The following PNPLA7 variants were observed in gnomAD, a reference collection of about 807,000 sequenced individuals.
The protein encoded by PNPLA7 is patatin like domain 7, lysophospholipase.
Under a neutral mutation model 161.7 loss-of-function variants are expected in PNPLA7, and 153 were observed. The ratio of observed to expected loss-of-function variants is 0.95; its 90% CI spans 0.83 to 1.08. The LOEUF (loss-of-function observed/expected upper bound fraction) is 1.08. PNPLA7 is among the 50% of genes least tolerant of loss of function. PNPLA7 has a pLI of 0.00. For synonymous variants in PNPLA7, 809 were observed against 782.1 expected, an observed-to-expected ratio of 1.03 and a Z score of -0.57; for missense variants, 1,739 against 1,856.6, an observed-to-expected ratio of 0.94 and a Z score of 1.16.
chr9:137,462,102 C>A, intron 31 of PNPLA7, 61 bp from the exon 32 acceptor site: 1 of 1,518,832 alleles, frequency 6.6e-7, no homozygotes. Context: ...CCTGTGTTCT[C>A]AAAAGGGGGA....
chr9:137,460,566 G>A, intron 34 of PNPLA7, 68 bp downstream of exon 34: 1 of 1,593,090 alleles, frequency 6.3e-7, no homozygotes, highest in Non-Finnish European at 8.6e-7. Context: ...GGGAGGGAGT[G>A]GCCGGCACAG....
At chr9:137,481,717 C>G (rs1359449406) in intron 21 of PNPLA7, among the ~76,000 whole-genome samples, 1 of 152,192 alleles carries the variant, frequency 6.6e-6, no homozygotes, top group Non-Finnish European at 1.5e-5. Context: ...AATCCCAGCA[C>G]TTTGGGAGGC....
chr9:137,461,470 T>C, intron 33 of PNPLA7, 66 bp downstream of exon 33: 1 of 1,485,468 alleles, frequency 6.7e-7, no homozygotes, highest in East Asian at 2.4e-5. Flanking sequence ...GTGGGGGGGT[T>C]CAAGCCCAAC....
In PNPLA7 at chr9:137,499,786, C is replaced by T. The variant is rs986362518; in HGVS notation, c.1757+905G>A. 6.6e-6 allele frequency among the ~76,000 whole-genome samples: 1 copy of T among 152,242 alleles called. No homozygotes were observed. Among genetic ancestry groups the T allele is most frequent in the African/African-American group, 2.4e-5 (1 of 41,468 alleles). ...TGGATTACAGGCGTGAGCCGCTGCA[C>T]CCAGCCGACCTGTTTTCTTCAGCTG... On this transcript the variant is annotated intron_variant, in intron 16 of 34. Transcript: ENST00000406427. The surrounding 1 kb of genome is among the most constrained non-coding windows in gnomAD (Gnocchi z 5.5).
At chr9:137,501,154 C>G (rs551878875) in intron 15 of PNPLA7, among the ~76,000 whole-genome samples, 1 of 152,226 alleles carries the variant, frequency 6.6e-6, no homozygotes, top group Non-Finnish European at 1.5e-5. Context: ...CCTTCCCTCC[C>G]GGCACCCGCA....
intron 14 of PNPLA7, 54 bp from the exon 15 acceptor site, chr9:137,501,781 C>T (rs1833438462): frequency 6.4e-7 from 1 of 1,557,668 alleles, no homozygotes; most frequent in Non-Finnish European, 8.8e-7. Context: ...AATGAAGGTC[C>T]AGAGAACAGA....
chr9:137,511,720 G>A (rs1045074466), intron 12 of PNPLA7, among the ~76,000 whole-genome samples: 2 of 152,230 alleles, frequency 1.3e-5, no homozygotes, highest in African/African-American at 2.4e-5. Context: ...TGCTTCAGTG[G>A]TCACGCTCCT....
At position 137,481,007 on chromosome 9, in the gene PNPLA7, CAGCA is replaced by C; in HGVS notation, c.2360_2363del (p.Leu787ArgfsTer6). On this transcript the variant is annotated frameshift_variant, in exon 22 of 35. Coordinates refer to ENST00000406427, the MANE Select transcript of PNPLA7 (RefSeq NM_001098537.3). LOFTEE classifies it high-confidence loss of function. ...GGCGCCGTTTTATGTTGTCACTAGT[CAGCA>C]GCAGGGTCGGGCCTGAAAACACCAC... 1.3e-6 allele frequency: 2 copies of C among 1,551,698 alleles called. No individual in the cohort carries two copies. The highest frequency in any genetic ancestry group is 2.4e-5 in the South Asian group (2 of 84,066).
chr9:137,510,779 T>C (rs988054239), intron 12 of PNPLA7, among the ~76,000 whole-genome samples: 1 of 152,178 alleles, frequency 6.6e-6, no homozygotes, highest in African/African-American at 2.4e-5. Context: ...CAGGTGTCAG[T>C]GCCTGAAACG....
intron 8 of PNPLA7, among the ~76,000 whole-genome samples, chr9:137,526,897 C>T (rs1835329390): frequency 6.6e-6 from 1 of 151,878 alleles, no homozygotes; most frequent in African/African-American, 2.4e-5. Flanking sequence ...TTTCTTTTCC[C>T]ATCTGCATGC....
intron 29 of PNPLA7, chr9:137,463,062 T>C: frequency 1.5e-6 from 1 of 651,368 alleles, no homozygotes; most frequent in Non-Finnish European, 2.6e-6. Context: ...AGGAGTGGCC[T>C]GGCCTGGCCC....
rs2132059090 is a variant in PNPLA7 at position 137,463,448 on chromosome 9, G to A, written c.3310C>T (p.Leu1104=). 1.2e-6 allele frequency: 2 copies of A among 1,601,462 alleles called. No homozygotes were observed. Among genetic ancestry groups the A allele is most frequent in the South Asian group, 2.3e-5 (2 of 88,784 alleles). Reference sequence around the variant, plus strand: ...TTGTTGATGTAGCCCCCGTCCATCAGCAGGTGTCCGTCCTTCGGGTCACAG... The same window carrying A: ...TTGTTGATGTAGCCCCCGTCCATCAACAGGTGTCCGTCCTTCGGGTCACAG... ...PLCDPKDGHL[L]MDGGYINNLP... The change falls in exon 29 of 35, where the codon CTG becomes TTG. Residue 1104 remains leucine, a synonymous_variant. Coordinates refer to ENST00000406427, the MANE Select transcript of PNPLA7 (RefSeq NM_001098537.3).
At chr9:137,472,686 G>A (rs1831762847) in intron 25 of PNPLA7, among the ~76,000 whole-genome samples, 1 of 140,282 alleles carries the variant, frequency 7.1e-6, no homozygotes, top group African/African-American at 2.6e-5. Context: ...GCCAGGCAAA[G>A]TGGCTCATGT....
chr9:137,516,213 G>T (rs1044822243), intron 11 of PNPLA7, among the ~76,000 whole-genome samples: 2 of 144,744 alleles, frequency 1.4e-5, no homozygotes, highest in African/African-American at 5.2e-5. Flanking sequence ...AGGTGGGGCT[G>T]CCAGCCAGGC....
chr9:137,506,690 G>A (rs1010409121), intron 12 of PNPLA7, among the ~76,000 whole-genome samples: 2 of 152,164 alleles, frequency 1.3e-5, no homozygotes, highest in African/African-American at 4.8e-5. Context: ...GGGCTGAGCG[G>A]GATGAAGCAG....
chr9:137,531,831 G>A (rs1835596186), intron 8 of PNPLA7, among the ~76,000 whole-genome samples: 1 of 152,194 alleles, frequency 6.6e-6, no homozygotes, highest in African/African-American at 2.4e-5. Flanking sequence ...GCACACGTGG[G>A]TAATGTGAAC....
At chr9:137,473,731 C>T (rs1205637026) in intron 25 of PNPLA7, among the ~76,000 whole-genome samples, 2 of 152,172 alleles carry the variant, frequency 1.3e-5, no homozygotes, top group Non-Finnish European at 2.9e-5. Flanking sequence ...CGGAGGGATG[C>T]AAATTAGAAT....
intron 21 of PNPLA7, among the ~76,000 whole-genome samples, chr9:137,481,739 G>A (rs566264775): frequency 6.6e-5 from 10 of 152,298 alleles, no homozygotes; most frequent in East Asian, 3.9e-4. Flanking sequence ...AAGGGATCAC[G>A]AGGTCAGGAG....
chr9:137,529,405 T>C (rs1459359110), intron 8 of PNPLA7, among the ~76,000 whole-genome samples: 1 of 152,226 alleles, frequency 6.6e-6, no homozygotes, highest in Non-Finnish European at 1.5e-5. Flanking sequence ...GTCTTGTTGT[T>C]GTATTTAGAC....
Sources: allele counts gnomAD v4.1 joint callset (sites outside exome capture counted in the v4.1 genomes callset), GRCh38; gene constraint gnomAD v4.1.1; non-coding constraint Gnocchi (gnomAD v3.1); transcripts MANE v1.5; gene names NCBI Gene and HGNC (gene_info 2026-07-23, HGNC 2026-07-21).